The following GCA variants were observed in gnomAD, a reference collection of about 807,000 sequenced individuals.
GCA encodes grancalcin.
In GCA, 30 loss-of-function variants were observed where a neutral mutation model predicts 32.6. The observed-to-expected ratio is 0.92, with a 90% CI of 0.69 to 1.25. The LOEUF is 1.25. GCA is among the 50% of genes most tolerant of loss of function. The pLI, the probability that GCA is intolerant of heterozygous loss-of-function variation, is 0.00. For synonymous variants in GCA, 102 were observed against 84.6 expected (o/e 1.21, Z -1.13); for missense variants, 291 against 266.8 (o/e 1.09, Z -0.63).
At chr2:162,330,081 G>A (rs535672399) in intron 1 of GCA, among the ~76,000 whole-genome samples, 1 of 152,312 alleles carries the variant, frequency 6.6e-6, no homozygotes, top group African/African-American at 2.4e-5. Context: ...TCACTGATGG[G>A]CATTTAGGTT....
chr2:162,328,267 CT>C (rs1405854196), intron 1 of GCA, among the ~76,000 whole-genome samples: 1 of 151,142 alleles, frequency 6.6e-6, no homozygotes, highest in Non-Finnish European at 1.5e-5. Context: ...TGGCATGTGC[CT>C]GTAATCACAG....
rs1012333058 is a variant in GCA, at chr2:162,360,355, A to G, written c.*112A>G. 6.9e-7 allele frequency: 1 copy of G among 1,438,874 alleles called. No homozygotes were observed. The highest frequency in any genetic ancestry group is 1.5e-5 in the African/African-American group (1 of 67,142). 89.1% of individuals were successfully genotyped at this position (1,438,874 alleles called of 1,614,324 possible). On this transcript the variant is annotated 3_prime_UTR_variant, in exon 8 of 8. Coordinates refer to ENST00000437150, the MANE Select transcript of GCA (RefSeq NM_012198.5). The stretch of plus-strand genomic sequence containing the variant: ...TTTCTATGTTCTTCCTACCTGTTAA[A>G]CCTCTTCCCTTTCTGTGTGTTTTTA...
intron 3 of GCA, among the ~76,000 whole-genome samples, chr2:162,354,876 C>G (rs1685185608): frequency 1.3e-5 from 2 of 152,140 alleles, no homozygotes; most frequent in African/African-American, 2.4e-5. Context: ...TGTCAACTTT[C>G]CTGAAAAGTC....
chr2:162,365,733 G>A (rs955231860), downstream of GCA, among the ~76,000 whole-genome samples: 44 of 151,550 alleles, frequency 2.9e-4, no homozygotes, highest in Admixed American at 2.8e-3. Flanking sequence ...GCTAAAAAGC[G>A]TTAATGTGCC....
At position 162,360,767 on chromosome 2, in the gene GCA, T is replaced by C; in HGVS notation, c.*524T>C. 1 of 1,378,518 alleles carries C rather than the reference T, an allele frequency of 7.3e-7. No individual in the cohort carries two copies. The highest frequency in any genetic ancestry group is 9.4e-7 in the Non-Finnish European group (1 of 1,062,260). The allele number at this position is 1,378,518 out of a possible 1,614,324, so 85.4% of individuals were successfully genotyped here. On this transcript the variant is annotated 3_prime_UTR_variant, in exon 8 of 8. Transcript: ENST00000437150. ...TCAGAGAAAAGAAACTTAAAGATCT[T>C]TGTCTGTGAAGAAGAAAATTATCTC...
Position 162,360,500 on chromosome 2 carries a change from A to T in GCA, c.*257A>T. ...TCATAAAATATTGTATGATTAATTG[A>T]TTTAAATAATGCTTAGCCTTAATTT... On this transcript the variant is annotated 3_prime_UTR_variant, in exon 8 of 8. Coordinates refer to ENST00000437150, the MANE Select transcript of GCA (RefSeq NM_012198.5). The T allele has an allele frequency of 1.0e-6, 1 of 973,190 alleles. No homozygotes were observed. The highest frequency in any genetic ancestry group is 1.4e-6 in the Non-Finnish European group (1 of 735,888). 60.3% of individuals were successfully genotyped at this position (973,190 alleles called of 1,614,324 possible).
intron 1 of GCA, among the ~76,000 whole-genome samples, chr2:162,344,812 A>G (rs1684601942): frequency 6.6e-6 from 1 of 152,030 alleles, no homozygotes; most frequent in Non-Finnish European, 1.5e-5. Context: ...TTTATCCTGC[A>G]TCACCTTTGG....
Position 162,359,063 on chromosome 2 carries a change from A to G in GCA, c.474A>G (p.Gln158=), listed in dbSNP as rs1418500160. The change falls in exon 6 of 8, where the codon CAA becomes CAG. Residue 158 remains glutamine, a synonymous_variant. Transcript: ENST00000437150. ...IGLMGYRLSP[Q]TLTTIVKRYS... ...TTTTAGGTTATAGGTTGAGTCCTCA[A>G]ACATTAACTACTATTGTTAAACGTT... The G allele has an allele frequency of 1.3e-6, 2 of 1,578,858 alleles. No individual in the cohort carries two copies. Among genetic ancestry groups the G allele is most frequent in the African/African-American group, 1.4e-5 (1 of 73,934 alleles).
In GCA at chr2:162,359,561, C is replaced by A; in HGVS notation, c.627+9C>A. The A allele has an allele frequency of 6.8e-7, 1 of 1,470,748 alleles. No individual in the cohort carries two copies. The highest frequency in any genetic ancestry group is 9.4e-7 in the Non-Finnish European group (1 of 1,061,222). 91.1% of individuals were successfully genotyped at this position (1,470,748 alleles called of 1,614,324 possible). ...ATTTCATATATGACGATGTGAGTAT[C>A]CTGCTTTTGATATTTATACTGCATT... On this transcript the variant is annotated intron_variant, in intron 7 of 7. Transcript: ENST00000437150.
rs760706179 is a variant in GCA at position 162,347,691 on chromosome 2, T to C, written c.141T>C (p.Tyr47=). The change falls in exon 2 of 8, where the codon TAT becomes TAC. Residue 47 remains tyrosine, a synonymous_variant. Transcript: ENST00000437150. ...CTGGGCCAGCATATTCAGACACTTA[T>C]TCCTCAGCTGGTGACTCCGTGTATA... is the stretch of plus-strand genomic sequence containing the variant. ...GYSGPAYSDT[Y]SSAGDSVYTY... is the part of the protein sequence containing the mutation. 1.0e-5 allele frequency: 16 copies of C among 1,608,022 alleles called. No individual in the cohort carries two copies. The Middle Eastern group carries it at 6.6e-4, about 67-fold the overall frequency.
intron 1 of GCA, among the ~76,000 whole-genome samples, chr2:162,327,713 C>T (rs141468369): frequency 1.3e-5 from 2 of 152,148 alleles, no homozygotes; most frequent in Admixed American, 6.5e-5. Flanking sequence ...CTGTGGCTGT[C>T]GAGGTGGAGG....
chr2:162,360,273 C>T lies in GCA; in HGVS notation c.*30C>T. 9 of 1,578,870 alleles carry T rather than the reference C, an allele frequency of 5.7e-6. No homozygotes were observed. Among genetic ancestry groups the T allele is most frequent in the Non-Finnish European group, 7.8e-6 (9 of 1,159,044 alleles). On this transcript the variant is annotated 3_prime_UTR_variant, in exon 8 of 8. Transcript: ENST00000437150. ...TTAGAATTTTAAACCTGAAGAGACA[C>T]TGTGAATTCTTTTGTTTGGAAGAAG...
At chr2:162,372,219 G>T, downstream of GCA, 1 of 771,840 alleles carries the variant, frequency 1.3e-6, no homozygotes, top group Non-Finnish European at 2.0e-6. Flanking sequence ...AGTGATATTA[G>T]CCAACATTTC....
At chr2:162,339,521 G>T (rs182548958), upstream of GCA, among the ~76,000 whole-genome samples, 71 of 152,266 alleles carry the variant, frequency 4.7e-4, no homozygotes, top group Middle Eastern at 6.8e-3. Context: ...TGAATGAAAT[G>T]CTTCCCTCTC....
chr2:162,363,900 T>C (rs943495034), downstream of GCA, among the ~76,000 whole-genome samples: 5 of 151,514 alleles, frequency 3.3e-5, no homozygotes, highest in African/African-American at 1.2e-4. Flanking sequence ...TGAGTAGACA[T>C]TGGCAACACT....
exon 5 of GCA, chr2:162,371,386 C>G: frequency 7.8e-7 from 1 of 1,288,828 alleles, no homozygotes; most frequent in Non-Finnish European, 1.0e-6. Flanking sequence ...ACTAAGTTCC[C>G]TTTATCCCCC....
In GCA at chr2:162,361,219, T is replaced by G; in HGVS notation, c.*976T>G. 1 of 984,808 alleles carries G rather than the reference T, an allele frequency of 1.0e-6. No homozygotes were observed. The highest frequency in any genetic ancestry group is 1.2e-6 in the Non-Finnish European group (1 of 829,536). The allele number at this position is 984,808 out of a possible 1,614,324, so 61.0% of individuals were successfully genotyped here. ...AGTAAGTATTTTGAGTGCATCTATG[T>G]GATGTGGTGTTTTGAGCATAGTAGG... is the stretch of plus-strand genomic sequence containing the variant. On this transcript the variant is annotated 3_prime_UTR_variant, in exon 8 of 8. Coordinates refer to ENST00000437150, the MANE Select transcript of GCA (RefSeq NM_012198.5).
intron 3 of GCA, 47 bp downstream of exon 3, chr2:162,352,454 T>C: frequency 8.9e-7 from 1 of 1,124,080 alleles, no homozygotes; most frequent in Non-Finnish European, 1.3e-6. Flanking sequence ...AGGAAGTTTA[T>C]TTTCTTACTT....
At chr2:162,328,550 C>T (rs1173998044) in intron 1 of GCA, among the ~76,000 whole-genome samples, 8 of 152,180 alleles carry the variant, frequency 5.3e-5, no homozygotes, top group Non-Finnish European at 1.5e-5. Context: ...ACTGCTCAAA[C>T]CTCTAGGGGA....
Sources: allele counts gnomAD v4.1 joint callset (sites outside exome capture counted in the v4.1 genomes callset), GRCh38; gene constraint gnomAD v4.1.1; transcripts MANE v1.5; gene names NCBI Gene and HGNC (gene_info 2026-07-23, HGNC 2026-07-21).